MEIS1: variants seen among roughly 807,000 people sequenced by gnomAD.
MEIS1 encodes the protein homeobox protein Meis1.
A neutral mutation model predicts 50.8 loss-of-function variants in MEIS1; 5 were observed. The ratio of observed to expected loss-of-function variants is 0.10; its 90% confidence interval spans 0.05 to 0.21. The LOEUF (loss-of-function observed/expected upper bound fraction) is 0.21. Among genes scored for constraint, MEIS1 ranks in the 10% least tolerant of loss-of-function variants. The pLI, the probability that MEIS1 is intolerant of heterozygous loss-of-function variation, is 1.00. For missense variants in MEIS1, 318 were observed against 517.3 expected, an observed-to-expected ratio of 0.61 and a Z score of 3.74; for synonymous variants, 176 against 179.3, an observed-to-expected ratio of 0.98 and a Z score of 0.15.
At chr2:66,539,748 T>C (rs1674606075) in intron 8 of MEIS1, among the ~76,000 whole-genome samples, 1 of 152,198 alleles carries the variant, frequency 6.6e-6, no homozygotes, top group Non-Finnish European at 1.5e-5. Context: ...AAGCTACTAT[T>C]AATAAAGTTC....
intron 9 of MEIS1, among the ~76,000 whole-genome samples, chr2:66,548,659 G>A (rs1421434389): frequency 6.6e-6 from 1 of 152,160 alleles, no homozygotes; most frequent in African/African-American, 2.4e-5. Context: ...ACAGCAGTGT[G>A]GCAATGAGGC....
chr2:66,547,748 A>G (rs1265593739), intron 8 of MEIS1, among the ~76,000 whole-genome samples, 195 bp from the exon 9 acceptor site: 1 of 152,170 alleles, frequency 6.6e-6, no homozygotes, highest in Admixed American at 6.5e-5. Flanking sequence ...CTAAGTAGCT[A>G]TTTATACACT....
chr2:66,540,503 T>A (rs562267142), intron 8 of MEIS1, among the ~76,000 whole-genome samples: 3 of 152,210 alleles, frequency 2.0e-5, no homozygotes, highest in African/African-American at 7.2e-5. Flanking sequence ...AGAGATGGGA[T>A]TTCCTCATGT....
intron 10 of MEIS1, chr2:66,568,387 T>G: frequency 3.1e-6 from 1 of 324,470 alleles, no homozygotes. Flanking sequence ...TCCTGTAACT[T>G]TTTTTCTTCC....
intron 8 of MEIS1, among the ~76,000 whole-genome samples, chr2:66,534,062 C>G (rs1674460341): frequency 6.6e-6 from 1 of 152,148 alleles, no homozygotes; most frequent in South Asian, 2.1e-4. Flanking sequence ...AGACCCTATG[C>G]TAAGCAATTT....
At chr2:66,553,905 C>T (rs1674987796) in intron 9 of MEIS1, among the ~76,000 whole-genome samples, 1 of 152,186 alleles carries the variant, frequency 6.6e-6, no homozygotes, top group South Asian at 2.1e-4. Flanking sequence ...AACCCTGCCC[C>T]TTCCACCATG....
At chr2:66,552,486 T>A (rs1016345496) in intron 9 of MEIS1, among the ~76,000 whole-genome samples, 2 of 152,196 alleles carry the variant, frequency 1.3e-5, no homozygotes, top group Non-Finnish European at 2.9e-5. Context: ...CCAGGTTCCA[T>A]CCTAGCAGCC....
intron 7 of MEIS1, among the ~76,000 whole-genome samples, chr2:66,475,354 AT>A (rs1399951770): frequency 6.8e-6 from 1 of 147,652 alleles, no homozygotes; most frequent in Non-Finnish European, 1.5e-5. Context: ...TTATATATGC[AT>A]AAATATAAAT....
chr2:66,494,895 T>A (rs1673360181), intron 7 of MEIS1, among the ~76,000 whole-genome samples: 1 of 151,976 alleles, frequency 6.6e-6, no homozygotes. Context: ...CATGAATGCA[T>A]ATGTTTGGGG....
intron 6 of MEIS1, among the ~76,000 whole-genome samples, chr2:66,455,686 T>C (rs2103723684): frequency 6.6e-6 from 1 of 152,298 alleles, no homozygotes; most frequent in African/African-American, 2.4e-5. Flanking sequence ...CCACCCTCAC[T>C]GCCTGCCATA....
At chr2:66,534,655 C>T (rs1436137624) in intron 8 of MEIS1, among the ~76,000 whole-genome samples, 1 of 152,158 alleles carries the variant, frequency 6.6e-6, no homozygotes, top group Non-Finnish European at 1.5e-5. Flanking sequence ...GGGCTTATGA[C>T]TCTCCACATA....
intron 9 of MEIS1, among the ~76,000 whole-genome samples, chr2:66,556,140 T>C (rs1675059120): frequency 6.6e-6 from 1 of 152,218 alleles, no homozygotes; most frequent in Non-Finnish European, 1.5e-5. Flanking sequence ...TCATAAATCA[T>C]TAATATTTTC....
At chr2:66,568,183 C>T (rs1675397495) in intron 10 of MEIS1, 1 of 157,378 alleles carries the variant, frequency 6.4e-6, no homozygotes, top group Admixed American at 6.1e-5. Flanking sequence ...CTATGGGATC[C>T]TGGCTTGTGG....
At chr2:66,529,281 A>G (rs11677371) in intron 8 of MEIS1, among the ~76,000 whole-genome samples, 92,094 of 151,900 alleles carry the variant, frequency 0.61, 28,392 homozygotes, top group East Asian at 0.81. Context: ...TGTACTATAG[A>G]TGCTTGATAT....
intron 2 of MEIS1, among the ~76,000 whole-genome samples, chr2:66,438,574 T>G (rs1423224137): frequency 3.3e-5 from 5 of 152,220 alleles, no homozygotes; most frequent in African/African-American, 9.7e-5. Flanking sequence ...TTTAGCACTT[T>G]GTGCTCAAAG....
At chr2:66,545,325 T>G (rs1674764442) in intron 8 of MEIS1, among the ~76,000 whole-genome samples, 1 of 152,208 alleles carries the variant, frequency 6.6e-6, no homozygotes, top group African/African-American at 2.4e-5. Flanking sequence ...CTTGTGTACT[T>G]CAGTGTACAA....
chr2:66,529,115 T>G, intron 8 of MEIS1, among the ~76,000 whole-genome samples: 1 of 152,068 alleles, frequency 6.6e-6, no homozygotes, highest in East Asian at 1.9e-4. Context: ...CCATTTGTTG[T>G]TTTCCCCAGG....
In MEIS1 at chr2:66,435,531, CT is replaced by C. The variant is rs1330349826; in HGVS notation, c.-318del. ...TTGGTAGTTGGGTCTGAGGGGCGCT[CT>C]TTTTTTTCCTTTTCTTTCTTTCTTT... On this transcript the variant is annotated 5_prime_UTR_variant, in exon 1 of 13. Transcript: ENST00000272369. 4.3e-5 allele frequency: 16 copies of C among 370,646 alleles called. No homozygotes were observed. The highest frequency in any genetic ancestry group is 5.6e-5 in the Non-Finnish European group (12 of 213,208). The allele number at this position is 370,646 out of a possible 1,614,324, so 23.0% of individuals were successfully genotyped here. A position where few individuals can be genotyped will look rare whatever the true frequency, so the allele number is the denominator to read the frequency against.
chr2:66,508,645 G>T (rs1179917539), intron 7 of MEIS1, among the ~76,000 whole-genome samples: 1 of 152,204 alleles, frequency 6.6e-6, no homozygotes, highest in African/African-American at 2.4e-5. Flanking sequence ...CTAGTTAATT[G>T]CCACACGGAC....
Sources: allele counts gnomAD v4.1 joint callset (sites outside exome capture counted in the v4.1 genomes callset), GRCh38; gene constraint gnomAD v4.1.1; transcripts MANE v1.5; gene names NCBI Gene and HGNC (gene_info 2026-07-23, HGNC 2026-07-21).